KCTD1: variants seen among roughly 807,000 people sequenced by gnomAD.
KCTD1 encodes the protein BTB/POZ domain-containing protein KCTD1.
A neutral mutation model predicts 66.0 loss-of-function variants in KCTD1; 24 were observed. The ratio of observed to expected loss-of-function variants is 0.36; its 90% CI spans 0.26 to 0.51. KCTD1 has a LOEUF of 0.51. Ranked by LOEUF, KCTD1 falls within the 20% of genes least tolerant of loss-of-function variation. The pLI, the probability that KCTD1 is intolerant of heterozygous loss-of-function variation, is 0.95. For synonymous variants in KCTD1, 511 were observed against 517.2 expected, an observed-to-expected ratio of 0.99 and a Z score of 0.16; for missense variants, 943 against 1,205.2, an observed-to-expected ratio of 0.78 and a Z score of 3.22.
intron 1 of KCTD1, among the ~76,000 whole-genome samples, chr18:26,592,207 GA>G (rs1986625024): frequency 6.6e-6 from 1 of 151,880 alleles, no homozygotes; most frequent in African/African-American, 2.4e-5. Flanking sequence ...AACCATACTT[GA>G]AAAAAATCCC....
chr18:26,575,724 C>T (rs1986210534), intron 1 of KCTD1: 2 of 152,214 alleles, frequency 1.3e-5, no homozygotes, highest in Admixed American at 1.3e-4. Flanking sequence ...GCTTTTCATA[C>T]TTCATTATGC....
intron 3 of KCTD1, among the ~76,000 whole-genome samples, chr18:26,466,070 C>A (rs1598876644): frequency 7.9e-6 from 1 of 126,166 alleles, no homozygotes; most frequent in Admixed American, 7.6e-5. Flanking sequence ...AAGACCTACC[C>A]GCAGGTACGG....
upstream of KCTD1, chr18:26,548,881 C>T (rs1055566811): frequency 1.1e-4 from 114 of 999,320 alleles, no homozygotes; most frequent in African/African-American, 1.4e-3. Flanking sequence ...GCGAAACACT[C>T]CCAACTTACC....
intron 1 of KCTD1, among the ~76,000 whole-genome samples, chr18:26,602,106 T>C (rs927365507): frequency 2.0e-5 from 3 of 152,168 alleles, no homozygotes; most frequent in Non-Finnish European, 4.4e-5. Flanking sequence ...CACAATTAAG[T>C]ATGATGTTAG....
chr18:26,624,068 C>A (rs528596507), intron 1 of KCTD1, among the ~76,000 whole-genome samples: 73 of 152,262 alleles, frequency 4.8e-4, no homozygotes, highest in Non-Finnish European at 7.9e-4. Context: ...TTTGCCTCTG[C>A]CCTAGAGATT....
intron 1 of KCTD1, among the ~76,000 whole-genome samples, chr18:26,606,510 A>ATG (rs1229481171): frequency 6.6e-6 from 1 of 152,182 alleles, no homozygotes; most frequent in Non-Finnish European, 1.5e-5. Context: ...GGGCAATGGA[A>ATG]TGTGTGTGAA....
At chr18:26,619,618 C>T (rs1385373468) in intron 1 of KCTD1, among the ~76,000 whole-genome samples, 2 of 152,270 alleles carry the variant, frequency 1.3e-5, no homozygotes, top group East Asian at 1.9e-4. Context: ...TTTTTCTAGG[C>T]CAATGATTGC....
At position 26,513,334 on chromosome 18, in the gene KCTD1, A is replaced by G. The variant is rs557259946; in HGVS notation, c.1810-12084T>C. On this transcript the variant is annotated intron_variant, in intron 1 of 4. Coordinates refer to ENST00000580059, the MANE Select transcript of KCTD1 (RefSeq NM_001142730.3). ...CATCTCCTGACCTCGTGATCTGCCCACTTCGGCCTCCCAAAGTGCTGGGAT... is the reference window on the plus strand; with the variant it reads ...CATCTCCTGACCTCGTGATCTGCCCGCTTCGGCCTCCCAAAGTGCTGGGAT... 4.3e-3 allele frequency among the ~76,000 whole-genome samples: 658 copies of G among 152,128 alleles called. 6 individuals carry two copies. Among genetic ancestry groups the G allele is most frequent in the African/African-American group, 0.015 (630 of 41,528 alleles).
intron 1 of KCTD1, among the ~76,000 whole-genome samples, chr18:26,608,470 G>A (rs1034851661): frequency 3.9e-5 from 6 of 152,190 alleles, no homozygotes; most frequent in Non-Finnish European, 2.9e-5. Context: ...GCAAAATGAT[G>A]TTTGTGACAG....
At chr18:26,532,174 C>T (rs1032584268) in intron 1 of KCTD1, among the ~76,000 whole-genome samples, 11 of 151,726 alleles carry the variant, frequency 7.2e-5, no homozygotes, top group East Asian at 5.8e-4. Context: ...TGAGAAGAGG[C>T]GGCTTTGTCA....
intron 1 of KCTD1, among the ~76,000 whole-genome samples, chr18:26,523,013 T>C (rs1231264588): frequency 2.0e-5 from 3 of 152,180 alleles, no homozygotes; most frequent in African/African-American, 7.2e-5. Flanking sequence ...TTGGAGTTTG[T>C]GAATTAGAGT....
In KCTD1 at chr18:26,527,501, G is replaced by A. The variant is rs146298409; in HGVS notation, c.1809+19227C>T. Among the ~76,000 whole-genome samples the A allele has an allele frequency of 1.7e-3, 249 of 146,894 alleles. 3 individuals are homozygous for A. The East Asian group carries it at 0.046, about 27-fold the overall frequency. On this transcript the variant is annotated intron_variant, in intron 1 of 4. Coordinates refer to ENST00000580059, the MANE Select transcript of KCTD1 (RefSeq NM_001142730.3). ...CTACTGCAAAAAAAAAAGGGGGGGG[G>A]GCGTGGGAGGGATGACGAGGTGGAA...
At chr18:26,580,092 C>G (rs1986318637) in intron 1 of KCTD1, among the ~76,000 whole-genome samples, 1 of 152,140 alleles carries the variant, frequency 6.6e-6, no homozygotes, top group Non-Finnish European at 1.5e-5. Flanking sequence ...AAGTGGGTGA[C>G]TTAGAGAGGT....
intron 1 of KCTD1, among the ~76,000 whole-genome samples, chr18:26,580,384 G>T (rs1277343617): frequency 6.6e-6 from 1 of 152,100 alleles, no homozygotes; most frequent in African/African-American, 2.4e-5. Flanking sequence ...TAGGAGCTCA[G>T]TGTGGTTCCC....
chr18:26,591,111 G>A lies in KCTD1; in HGVS notation c.-16+38036C>T, dbSNP rs182140627. ...GAGTGCAGTGGTGCAATTATAGCTTGAACTCCTGGCCTCAAGCCATCCTCC... is the reference window on the plus strand; with the variant it reads ...GAGTGCAGTGGTGCAATTATAGCTTAAACTCCTGGCCTCAAGCCATCCTCC... On this transcript the variant is annotated intron_variant, in intron 1 of 4. Coordinates refer to the KCTD1 transcript ENST00000317932. Among the ~76,000 whole-genome samples, 927 of 152,098 alleles carry A rather than the reference G, an allele frequency of 6.1e-3. 9 individuals are homozygous for A. The highest frequency in any genetic ancestry group is 0.031 in the Middle Eastern group (9 of 294).
intron 1 of KCTD1, among the ~76,000 whole-genome samples, chr18:26,563,545 T>G (rs1297650670): frequency 6.6e-6 from 1 of 152,226 alleles, no homozygotes; most frequent in Non-Finnish European, 1.5e-5. Flanking sequence ...ATTTCACATG[T>G]TACCTCCTCT....
intron 1 of KCTD1, among the ~76,000 whole-genome samples, chr18:26,554,995 G>T (rs1291989414): frequency 6.6e-6 from 1 of 152,084 alleles, no homozygotes; most frequent in Non-Finnish European, 1.5e-5. Context: ...ATTGGTAAAA[G>T]GTATGTGGGA....
At chr18:26,530,864 T>C (rs1229250290) in intron 1 of KCTD1, among the ~76,000 whole-genome samples, 1 of 152,234 alleles carries the variant, frequency 6.6e-6, no homozygotes, top group Non-Finnish European at 1.5e-5. Flanking sequence ...TTTGTTTTCA[T>C]CTTTTCAAAC....
intron 2 of KCTD1, among the ~76,000 whole-genome samples, chr18:26,500,392 C>T (rs1312383089): frequency 6.6e-6 from 1 of 152,058 alleles, no homozygotes; most frequent in African/African-American, 2.4e-5. Context: ...TGCACTCCAG[C>T]CTGGGCGACA....
Sources: allele counts gnomAD v4.1 joint callset (sites outside exome capture counted in the v4.1 genomes callset), GRCh38; gene constraint gnomAD v4.1.1; transcripts MANE v1.5; gene names NCBI Gene and HGNC (gene_info 2026-07-23, HGNC 2026-07-21).